Variants in BCL11A observed in about 807,000 individuals in gnomAD.
The protein encoded by BCL11A is B cell CLL/lymphoma 11A.
Under a neutral mutation model 55.9 loss-of-function variants are expected in BCL11A, and 2 were observed. The observed-to-expected ratio is 0.04, with a 90% CI of 0.01 to 0.11. BCL11A has a LOEUF of 0.11. BCL11A is among the 10% of genes least tolerant of loss of function. The probability of loss-of-function intolerance (pLI) is 1.00; values close to 1 mark genes in which losing one functional copy is unlikely to be tolerated. For missense variants in BCL11A, 817 were observed against 1,137.1 expected (o/e 0.72, Z 4.05); for synonymous variants, 465 against 473.4 (o/e 0.98, Z 0.23).
At chr2:60,524,858 G>A (rs1669141373) in intron 2 of BCL11A, 1 of 152,186 alleles carries the variant, frequency 6.6e-6, no homozygotes, top group South Asian at 2.1e-4. Flanking sequence ...GCTGGACAGT[G>A]TGGAAAACAG....
rs765532161 is a variant in BCL11A, at chr2:60,461,318, C to T, written c.1594G>A (p.Ala532Thr). The change falls in exon 4 of 4, where the codon GCG (alanine) becomes ACG (threonine). Residue 532 changes from alanine to threonine, a missense_variant. This residue lies in a region of BCL11A where 379 missense variants were observed against 425.3 expected (regional missense o/e 0.89). Coordinates refer to ENST00000642384, the MANE Select transcript of BCL11A (RefSeq NM_022893.4). ...CTCTCGTCGCCCACGCCCACGACCG[C>T]GCCCCGCGAGCTGTTCTCGTGGTGG... ...ARHHENSSRGAVVGVGDESRA... is the reference protein window; with the variant it reads ...ARHHENSSRGTVVGVGDESRA... The T allele has an allele frequency of 3.4e-5, 54 of 1,599,440 alleles. No homozygotes were observed. The highest frequency in any genetic ancestry group is 4.1e-5 in the Non-Finnish European group (48 of 1,177,836).
chr2:60,550,715 G>A (rs979674474), intron 1 of BCL11A, among the ~76,000 whole-genome samples: 1 of 152,204 alleles, frequency 6.6e-6, no homozygotes. Flanking sequence ...CCAGCCTAGA[G>A]TGTCCCAAGA....
At chr2:60,519,866 T>G (rs1379889518) in intron 2 of BCL11A, among the ~76,000 whole-genome samples, 1 of 152,234 alleles carries the variant, frequency 6.6e-6, no homozygotes, top group Non-Finnish European at 1.5e-5. Flanking sequence ...TCATAGGCAT[T>G]GTCATTTGCC....
chr2:60,493,454 A>T (rs10195871), intron 2 of BCL11A, among the ~76,000 whole-genome samples: 2 of 151,810 alleles, frequency 1.3e-5, no homozygotes, highest in African/African-American at 4.8e-5. Context: ...TCCAAACCCT[A>T]TATCCCAGCT....
At chr2:60,512,314 C>T (rs915218253) in intron 2 of BCL11A, among the ~76,000 whole-genome samples, 1 of 152,218 alleles carries the variant, frequency 6.6e-6, no homozygotes, top group Non-Finnish European at 1.5e-5. Context: ...GGGCTTGTGG[C>T]TGAGCTGTGC....
In BCL11A at chr2:60,459,191, T is replaced by C. The variant is rs1182782798; in HGVS notation, c.*1213A>G. 2.9e-6 allele frequency: 3 copies of C among 1,022,594 alleles called. No individual in the cohort carries two copies. Among genetic ancestry groups the C allele is most frequent in the Non-Finnish European group, 3.5e-6 (3 of 851,646 alleles). 63.3% of individuals were successfully genotyped at this position (1,022,594 alleles called of 1,614,324 possible). On this transcript the variant is annotated 3_prime_UTR_variant, in exon 4 of 4. Transcript: ENST00000642384. Reference sequence around the variant, plus strand: ...TATTGTCAGCCTCTTCCTTTCAATATGGTATACAAGGTCTTAAAGTTTATC... The same window carrying C: ...TATTGTCAGCCTCTTCCTTTCAATACGGTATACAAGGTCTTAAAGTTTATC...
chr2:60,540,935 C>G (rs901300179), intron 2 of BCL11A, among the ~76,000 whole-genome samples: 3 of 142,712 alleles, frequency 2.1e-5, no homozygotes, highest in African/African-American at 7.8e-5. Flanking sequence ...TAAGAAATTA[C>G]AGCACTGGTT....
intron 1 of BCL11A, among the ~76,000 whole-genome samples, chr2:60,550,551 G>C (rs1437334553): frequency 6.6e-6 from 1 of 151,094 alleles, no homozygotes; most frequent in African/African-American, 2.4e-5. Context: ...AGCCCACATA[G>C]CAGAGGCGGG....
chr2:60,467,851 A>G (rs1172570140), intron 3 of BCL11A, among the ~76,000 whole-genome samples: 29 of 41,756 alleles, frequency 6.9e-4, no homozygotes, highest in South Asian at 4.7e-3. Flanking sequence ...TGGTGATGCT[A>G]CTGGTGGTGA....
chr2:60,501,567 T>C (rs1679284763), intron 2 of BCL11A, among the ~76,000 whole-genome samples: 1 of 147,954 alleles, frequency 6.8e-6, no homozygotes, highest in East Asian at 2.0e-4. Context: ...TGGGGTGCAA[T>C]GGTGTGATCT....
At chr2:60,520,916 A>G (rs1326057226) in intron 2 of BCL11A, among the ~76,000 whole-genome samples, 1 of 152,222 alleles carries the variant, frequency 6.6e-6, no homozygotes, top group Non-Finnish European at 1.5e-5. Flanking sequence ...ATGTGCCAAC[A>G]GTAGAAAGAA....
intron 2 of BCL11A, 98 bp downstream of exon 2, chr2:60,545,873 T>C (rs1558518511): frequency 5.2e-6 from 5 of 961,636 alleles, no homozygotes; most frequent in African/African-American, 3.3e-5. Flanking sequence ...CATAGAGTAA[T>C]AGAGAAAGCA....
At chr2:60,453,793 G>A (rs1421706448), downstream of BCL11A, among the ~76,000 whole-genome samples, 1 of 152,170 alleles carries the variant, frequency 6.6e-6, no homozygotes. Flanking sequence ...GAGGATACTT[G>A]GGGAAATGGC....
chr2:60,502,976 C>G (rs1443657511), intron 2 of BCL11A, among the ~76,000 whole-genome samples: 1 of 152,198 alleles, frequency 6.6e-6, no homozygotes, highest in Non-Finnish European at 1.5e-5. Flanking sequence ...TGTCCAAACA[C>G]CTCCTTGTCT....
At chr2:60,473,274 A>G (rs1677319642) in intron 2 of BCL11A, among the ~76,000 whole-genome samples, 1 of 151,230 alleles carries the variant, frequency 6.6e-6, no homozygotes, top group Non-Finnish European at 1.5e-5. Context: ...CAGGCACAAA[A>G]GCAGTAGAGC....
In BCL11A at chr2:60,514,304, C is replaced by T. The variant is rs1223580052; in HGVS notation, c.385+31667G>A. ...TGGGATCGCAGTGCTGAGCCATGAGCCCTACCAGGCAACCCATTTCTGGGC... is the reference window on the plus strand; with the variant it reads ...TGGGATCGCAGTGCTGAGCCATGAGTCCTACCAGGCAACCCATTTCTGGGC... On this transcript the variant is annotated intron_variant, in intron 2 of 3. Transcript: ENST00000642384. Among the ~76,000 whole-genome samples the T allele has an allele frequency of 2.0e-5, 3 of 152,254 alleles. 1 individual carries two copies. Among genetic ancestry groups the T allele is most frequent in the Non-Finnish European group, 1.5e-5 (1 of 68,004 alleles).
chr2:60,487,720 G>A (rs1400542833), intron 2 of BCL11A, among the ~76,000 whole-genome samples: 1 of 152,224 alleles, frequency 6.6e-6, no homozygotes, highest in Admixed American at 6.5e-5. Context: ...ATGAGCAGCA[G>A]AATGTAAAAA....
At chr2:60,519,387 T>C (rs1457430145) in intron 2 of BCL11A, among the ~76,000 whole-genome samples, 1 of 152,216 alleles carries the variant, frequency 6.6e-6, no homozygotes, top group Non-Finnish European at 1.5e-5. Flanking sequence ...AGCTTTTTAA[T>C]GATGTGAAAG....
intron 2 of BCL11A, among the ~76,000 whole-genome samples, chr2:60,501,679 T>C (rs928624013): frequency 1.3e-5 from 2 of 151,878 alleles, no homozygotes; most frequent in African/African-American, 2.4e-5. Flanking sequence ...GCTAAGTTTA[T>C]ATTTTTAATA....
Sources: gnomAD v4.1 joint callset for allele counts (sites outside exome capture counted in the v4.1 genomes callset) on GRCh38, gnomAD v4.1.1 for gene constraint, gnomAD v4.1.1 regional missense constraint, MANE v1.5 for transcripts, NCBI Gene and HGNC (gene_info 2026-07-23, HGNC 2026-07-21) for gene names.